HEG1: variants seen among roughly 807,000 people sequenced by gnomAD.
HEG1 encodes heart development protein with EGF like domains 1.
A neutral mutation model predicts 125.6 loss-of-function variants in HEG1; 56 were observed. That is an observed-to-expected ratio of 0.45 (90% CI 0.36 to 0.56). HEG1 has a LOEUF of 0.56. Ranked by LOEUF, HEG1 falls within the 20% of genes least tolerant of loss-of-function variation. The probability of loss-of-function intolerance (pLI) is 0.00; values close to 1 mark genes in which losing one functional copy is unlikely to be tolerated. For missense variants in HEG1, 1,523 were observed against 1,670.0 expected, an observed-to-expected ratio of 0.91 and a Z score of 1.53; for synonymous variants, 644 against 668.5, an observed-to-expected ratio of 0.96 and a Z score of 0.57.
intron 11 of HEG1, among the ~76,000 whole-genome samples, chr3:124,999,772 A>C (rs1055880429): frequency 1.3e-5 from 2 of 152,232 alleles, no homozygotes; most frequent in African/African-American, 4.8e-5. Flanking sequence ...TACATTCACA[A>C]TTCCCATGGT....
At chr3:124,981,222 T>A (rs1936645597) in intron 14 of HEG1, among the ~76,000 whole-genome samples, 2 of 142,504 alleles carry the variant, frequency 1.4e-5, no homozygotes, top group African/African-American at 5.3e-5. Flanking sequence ...TATCATAAAT[T>A]TCACTTTTTC....
rs1937929402 is a variant in HEG1, at chr3:125,055,855, C to A, written c.36G>T (p.Pro12=). ...GCAGCGGCAGCAACAGCAGCAGGAGCGGCGGCGGCCACCGCGAGGCGCGCG... is the reference window on the plus strand; with the variant it reads ...GCAGCGGCAGCAACAGCAGCAGGAGAGGCGGCGGCCACCGCGAGGCGCGCG... ...ASPRASRWPP[P]LLLLLLPLLL... Residue 12 remains proline (P), a synonymous_variant, in exon 1 of 17, where the codon CCG becomes CCT. Transcript: ENST00000311127. 1.5e-5 allele frequency: 15 copies of A among 980,106 alleles called. No homozygotes were observed. Among genetic ancestry groups the A allele is most frequent in the Non-Finnish European group, 1.8e-5 (15 of 826,660 alleles). 60.7% of individuals were successfully genotyped at this position (980,106 alleles called of 1,614,324 possible).
intron 11 of HEG1, among the ~76,000 whole-genome samples, chr3:124,998,426 C>G (rs771197796): frequency 6.6e-6 from 1 of 152,156 alleles, no homozygotes; most frequent in African/African-American, 2.4e-5. Flanking sequence ...CTGCTTGCCC[C>G]GGGCTGTAGT....
At chr3:125,015,000 C>A (rs1178415677) in intron 5 of HEG1, 16 of 1,249,254 alleles carry the variant, frequency 1.3e-5, no homozygotes, top group Non-Finnish European at 1.6e-5. Context: ...TGGCTCTCGG[C>A]TGTCTTCCAA....
intron 1 of HEG1, among the ~76,000 whole-genome samples, chr3:125,050,391 G>A (rs9840686): frequency 0.033 from 5,083 of 152,122 alleles, 264 homozygotes; most frequent in African/African-American, 0.11. Flanking sequence ...TGATCCACCC[G>A]ACTTGGCCTC....
chr3:125,028,292 C>T (rs1372108353), intron 2 of HEG1, among the ~76,000 whole-genome samples: 1 of 152,222 alleles, frequency 6.6e-6, no homozygotes, highest in African/African-American at 2.4e-5. Flanking sequence ...TTCACTGACT[C>T]TTGTTACCAC....
At chr3:124,979,395 A>T (rs1256833410) in intron 14 of HEG1, among the ~76,000 whole-genome samples, 1 of 152,218 alleles carries the variant, frequency 6.6e-6, no homozygotes, top group Non-Finnish European at 1.5e-5. Flanking sequence ...CATGCTAGGG[A>T]CTGAGTAGCT....
At chr3:124,997,948 T>C in intron 11 of HEG1, 125 bp from the exon 12 acceptor site, 1 of 1,168,152 alleles carries the variant, frequency 8.6e-7, no homozygotes, top group East Asian at 2.8e-5. Flanking sequence ...TGAGAACAGT[T>C]TTCCGAAAAG....
At chr3:125,036,649 A>G (rs919548990) in intron 1 of HEG1, among the ~76,000 whole-genome samples, 1 of 152,262 alleles carries the variant, frequency 6.6e-6, no homozygotes, top group Non-Finnish European at 1.5e-5. Context: ...CCTTGTAGAC[A>G]AAGAACATGA....
At chr3:124,985,500 A>G (rs540841932) in intron 14 of HEG1, among the ~76,000 whole-genome samples, 1 of 152,348 alleles carries the variant, frequency 6.6e-6, no homozygotes, top group Non-Finnish European at 1.5e-5. Context: ...GCAACAGAGG[A>G]AATGTGCACG....
intron 14 of HEG1, among the ~76,000 whole-genome samples, chr3:124,987,151 G>A (rs541370655): frequency 1.3e-5 from 2 of 152,318 alleles, no homozygotes; most frequent in African/African-American, 4.8e-5. Context: ...GCTACAGTGA[G>A]CCATGATCAG....
chr3:125,046,398 TACACACACAC>T (rs10522507), intron 1 of HEG1, among the ~76,000 whole-genome samples: 21,261 of 141,496 alleles, frequency 0.15, 1,660 homozygotes, highest in Admixed American at 0.19. Flanking sequence ...TATATACACA[TACACACACAC>T]ACACACACAC....
intron 5 of HEG1, among the ~76,000 whole-genome samples, chr3:125,016,898 A>G (rs1350757686): frequency 6.6e-6 from 1 of 152,246 alleles, no homozygotes. Flanking sequence ...AAACATCAAA[A>G]GAAAAATTTT....
chr3:125,013,509 T>G lies in HEG1; in HGVS notation c.2070A>C (p.Ser690=), dbSNP rs753669339. 1 of 1,612,580 alleles carries G rather than the reference T, an allele frequency of 6.2e-7. No homozygotes were observed. Among genetic ancestry groups the G allele is most frequent in the Non-Finnish European group, 8.5e-7 (1 of 1,179,292 alleles). Residue 690 remains serine, a synonymous_variant, in exon 6 of 17, where the codon TCA becomes TCC. Transcript: ENST00000311127. The part of the protein sequence containing the change: ...SVSQSHHLFS[S]ILPSTRASVH... Reference sequence around the variant, plus strand: ...CAGAGGCCCTGGTTGATGGTAAAATTGATGAAAATAAATGGTGGGATTGTG... The same window carrying G: ...CAGAGGCCCTGGTTGATGGTAAAATGGATGAAAATAAATGGTGGGATTGTG...
At chr3:125,055,011 A>G (rs1175923049) in intron 1 of HEG1, among the ~76,000 whole-genome samples, 1 of 152,202 alleles carries the variant, frequency 6.6e-6, no homozygotes, top group Non-Finnish European at 1.5e-5. Context: ...ATGGTCCTGT[A>G]TCAGCCTGTG....
chr3:125,053,640 G>A (rs1937865389), intron 1 of HEG1, among the ~76,000 whole-genome samples: 1 of 152,190 alleles, frequency 6.6e-6, no homozygotes, highest in Non-Finnish European at 1.5e-5. Flanking sequence ...CTCTCTCGCT[G>A]CTTTCTGGGA....
At chr3:125,023,452 T>C (rs557015193) in intron 3 of HEG1, among the ~76,000 whole-genome samples, 2 of 152,316 alleles carry the variant, frequency 1.3e-5, no homozygotes, top group Non-Finnish European at 2.9e-5. Context: ...ATCATCATTA[T>C]CAAAAACTAC....
chr3:125,031,159 A>G (rs577995621), intron 1 of HEG1, among the ~76,000 whole-genome samples: 90 of 152,288 alleles, frequency 5.9e-4, no homozygotes, highest in African/African-American at 1.8e-3. Context: ...GGGTCAGAGC[A>G]GGTGCGTGGG....
At chr3:125,031,126 C>T (rs1937492592) in intron 1 of HEG1, among the ~76,000 whole-genome samples, 1 of 152,078 alleles carries the variant, frequency 6.6e-6, no homozygotes, top group African/African-American at 2.4e-5. Context: ...CATCAAATGC[C>T]GTTTGTCAAG....
Sources: allele counts gnomAD v4.1 joint callset (sites outside exome capture counted in the v4.1 genomes callset), GRCh38; gene constraint gnomAD v4.1.1; transcripts MANE v1.5; gene names NCBI Gene and HGNC (gene_info 2026-07-23, HGNC 2026-07-21).